LIN9: variants seen among roughly 807,000 people sequenced by gnomAD.
LIN9 encodes protein lin-9 homolog.
Under a neutral mutation model 78.0 loss-of-function variants are expected in LIN9, and 18 were observed. That is an observed-to-expected ratio of 0.23 (90% CI 0.16 to 0.34). LIN9 has a LOEUF of 0.34. Among genes scored for constraint, LIN9 ranks in the 10% least tolerant of loss-of-function variants. The pLI is 1.00. For missense variants in LIN9, 451 were observed against 644.1 expected, an observed-to-expected ratio of 0.70 and a Z score of 3.25; for synonymous variants, 192 against 215.2, an observed-to-expected ratio of 0.89 and a Z score of 0.94.
intron 4 of LIN9, among the ~76,000 whole-genome samples, chr1:226,289,097 G>A (rs943853800): frequency 3.3e-5 from 5 of 152,018 alleles, no homozygotes; most frequent in African/African-American, 1.2e-4. Context: ...TTAGCCGGGC[G>A]TGGTGGCTGT....
Position 226,249,288 on chromosome 1 carries a change from T to C in LIN9, c.1119+1551A>G, listed in dbSNP as rs546179263. On this transcript the variant is annotated intron_variant, in intron 11 of 14. Coordinates refer to ENST00000681046, the MANE Select transcript of LIN9 (RefSeq NM_001366245.2). ...GTCCAGTAGGAAAGAAGCACGCACA[T>C]ACATTTCTATGTTTAAGATATGTAA... Among the ~76,000 whole-genome samples the C allele has an allele frequency of 3.9e-5, 6 of 152,346 alleles. No homozygotes were observed. The South Asian group carries it at 1.0e-3, about 26-fold the overall frequency.
chr1:226,266,271 C>T lies in LIN9; in HGVS notation c.878G>A (p.Arg293Gln), dbSNP rs749283175. 1 of 1,601,128 alleles carries T rather than the reference C, an allele frequency of 6.2e-7. No individual in the cohort carries two copies. The highest frequency in any genetic ancestry group is 1.7e-5 in the Admixed American group (1 of 59,386). ...TAACCGTGGTGGGGTCATAAAAAAT[C>T]GAGAAGGCCGCTGTTTTTGTCCAAA... is the stretch of plus-strand genomic sequence containing the variant. ...AAFGQKQRPS[R>Q]FFMTPPRLHY... Residue 293 changes from arginine (R) to glutamine (Q), a missense_variant, in exon 9 of 15, where the codon CGA becomes CAA. Coordinates refer to ENST00000681046, the MANE Select transcript of LIN9 (RefSeq NM_001366245.2).
chr1:226,305,134 C>T (rs1662821145), intron 1 of LIN9, among the ~76,000 whole-genome samples: 1 of 151,558 alleles, frequency 6.6e-6, no homozygotes, highest in Non-Finnish European at 1.5e-5. Flanking sequence ...TGCACCGCTG[C>T]ACTCCAGCCT....
At chr1:226,308,137 G>A (rs1330625549) in intron 1 of LIN9, among the ~76,000 whole-genome samples, 1 of 152,218 alleles carries the variant, frequency 6.6e-6, no homozygotes, top group Non-Finnish European at 1.5e-5. Flanking sequence ...AAACTGAATA[G>A]TGAAAGTGGA....
At position 226,265,982 on chromosome 1, in the gene LIN9, G is replaced by A. The variant is rs1019606948; in HGVS notation, c.936+231C>T. 1.3e-5 allele frequency among the ~76,000 whole-genome samples: 2 copies of A among 152,008 alleles called. No individual in the cohort carries two copies. Among genetic ancestry groups the A allele is most frequent in the Non-Finnish European group, 2.9e-5 (2 of 68,012 alleles). ...GTGAGCCACTGCGCCCGGCCAGGAA[G>A]TATCTTATTTTTAGAAAAAGAGAAA... is the stretch of plus-strand genomic sequence containing the variant. On this transcript the variant is annotated intron_variant, in intron 9 of 14. Transcript: ENST00000681046. This position sits in a 1 kb window ranked among gnomAD's most constrained non-coding sequence, Gnocchi z 4.1.
intron 12 of LIN9, among the ~76,000 whole-genome samples, chr1:226,234,893 A>ATT (rs558971569): frequency 3.7e-5 from 5 of 134,336 alleles, no homozygotes; most frequent in Admixed American, 8.0e-5. Flanking sequence ...GTTATCCTAA[A>ATT]TTTTTTTTTT....
chr1:226,266,205 A>C lies in LIN9; in HGVS notation c.936+8T>G, dbSNP rs781697535. On this transcript the variant is annotated splice_region_variant and intron_variant, in intron 9 of 14. Coordinates refer to ENST00000681046, the MANE Select transcript of LIN9 (RefSeq NM_001366245.2). ...ATTAAATTATTGATATTTCTAAAAT[A>C]TACTTACTATAATTGGTGACTGGAG... The C allele has an allele frequency of 6.5e-7, 1 of 1,542,990 alleles. No individual in the cohort carries two copies. Among genetic ancestry groups the C allele is most frequent in the Non-Finnish European group, 8.8e-7 (1 of 1,140,470 alleles).
chr1:226,235,322 C>A (rs1317675461), intron 12 of LIN9, among the ~76,000 whole-genome samples: 384 of 59,424 alleles, frequency 6.5e-3, no homozygotes, highest in South Asian at 0.01. Flanking sequence ...AAATCCGTCT[C>A]AAAAAAAAAA....
intron 7 of LIN9, among the ~76,000 whole-genome samples, chr1:226,270,919 A>G (rs984603412): frequency 3.3e-5 from 5 of 151,806 alleles, no homozygotes; most frequent in African/African-American, 1.2e-4. Flanking sequence ...TATTTGATAA[A>G]TAAAATCTTT....
chr1:226,305,649 C>G (rs1662868514), intron 1 of LIN9, among the ~76,000 whole-genome samples: 1 of 151,942 alleles, frequency 6.6e-6, no homozygotes, highest in Non-Finnish European at 1.5e-5. Flanking sequence ...GTTGAGAGAA[C>G]AGCATGTGCA....
At chr1:226,275,423 C>A (rs1427592775) in intron 7 of LIN9, among the ~76,000 whole-genome samples, 1 of 152,168 alleles carries the variant, frequency 6.6e-6, no homozygotes. Context: ...AGGCTGGGTG[C>A]GGTGGCTCAC....
At chr1:226,234,109 T>C (rs1195155055) in intron 12 of LIN9, among the ~76,000 whole-genome samples, 1 of 152,222 alleles carries the variant, frequency 6.6e-6, no homozygotes, top group East Asian at 1.9e-4. Flanking sequence ...TGATGTTCTC[T>C]TTGATCAATT....
intron 10 of LIN9, among the ~76,000 whole-genome samples, chr1:226,260,628 GTTTTTTTTTTTTT>G (rs559460640): frequency 4.4e-4 from 32 of 73,430 alleles, no homozygotes; most frequent in Non-Finnish European, 5.9e-4. Context: ...GGCCAAATGA[GTTTTTTTTTTTTT>G]TTTTTTTTTT....
At chr1:226,298,795 G>A (rs1376314307) in intron 2 of LIN9, among the ~76,000 whole-genome samples, 1 of 152,072 alleles carries the variant, frequency 6.6e-6, no homozygotes, top group Non-Finnish European at 1.5e-5. Flanking sequence ...GGGAGGCGAA[G>A]GTCGAAGCAA....
At chr1:226,271,935 A>C (rs1660301694) in intron 7 of LIN9, among the ~76,000 whole-genome samples, 1 of 151,936 alleles carries the variant, frequency 6.6e-6, no homozygotes, top group Non-Finnish European at 1.5e-5. Context: ...TTTGCACTGC[A>C]TATCTTTTTC....
At chr1:226,270,215 C>G (rs1033749526) in intron 7 of LIN9, among the ~76,000 whole-genome samples, 2 of 152,082 alleles carry the variant, frequency 1.3e-5, no homozygotes, top group African/African-American at 4.8e-5. Context: ...CGTGAGCCAC[C>G]GCACCCAGCC....
intron 10 of LIN9, among the ~76,000 whole-genome samples, chr1:226,264,011 G>A (rs1164662427): frequency 6.6e-6 from 1 of 151,814 alleles, no homozygotes; most frequent in Non-Finnish European, 1.5e-5. Flanking sequence ...TGGAGGTTAA[G>A]GCTGCAGTGA....
At chr1:226,233,063 A>C in intron 14 of LIN9, 33 bp downstream of exon 14, 1 of 1,288,876 alleles carries the variant, frequency 7.8e-7, no homozygotes, top group Non-Finnish European at 1.1e-6. Flanking sequence ...TGAACTTCAC[A>C]TTAAAATGAT....
intron 12 of LIN9, among the ~76,000 whole-genome samples, chr1:226,235,408 A>G (rs1657632529): frequency 6.7e-6 from 1 of 149,872 alleles, no homozygotes; most frequent in Admixed American, 6.7e-5. Context: ...TTCAATGTTT[A>G]TTTAAATTTT....
Sources: gnomAD v4.1 joint callset for allele counts (sites outside exome capture counted in the v4.1 genomes callset) on GRCh38, gnomAD v4.1.1 for gene constraint, Gnocchi (gnomAD v3.1) non-coding constraint, MANE v1.5 for transcripts, NCBI Gene and HGNC (gene_info 2026-07-23, HGNC 2026-07-21) for gene names.